Variants in DNAH12 observed in about 807,000 individuals in gnomAD.
DNAH12 encodes the protein dynein axonemal heavy chain 12.
Under a neutral mutation model 371.5 loss-of-function variants are expected in DNAH12, and 285 were observed. The observed-to-expected ratio is 0.77, with a 90% CI of 0.70 to 0.85. The LOEUF is 0.85. Among genes scored for constraint, DNAH12 ranks in the 40% least tolerant of loss-of-function variants. The pLI is 0.00. For synonymous variants in DNAH12, 1,200 were observed against 1,213.0 expected (o/e 0.99, Z 0.22); for missense variants, 3,611 against 3,689.4 (o/e 0.98, Z 0.55).
chr3:57,361,444 C>CACACTATATATATATA (rs1409626573), intron 58 of DNAH12, among the ~76,000 whole-genome samples: 5 of 116,698 alleles, frequency 4.3e-5, no homozygotes, highest in African/African-American at 2.1e-4. Flanking sequence ...CACACACACA[C>CACACTATATATATATA]TATATATATA....
chr3:57,384,566 C>T (rs1261089756), intron 49 of DNAH12, among the ~76,000 whole-genome samples: 1 of 152,038 alleles, frequency 6.6e-6, no homozygotes, highest in Non-Finnish European at 1.5e-5. Flanking sequence ...ATCATTTGAG[C>T]CCAGGAGATG....
chr3:57,323,723 CA>C (rs34028743), intron 62 of DNAH12, 104 bp from the exon 63 acceptor site: 18 of 1,192,228 alleles, frequency 1.5e-5, no homozygotes, highest in East Asian at 5.6e-5. Context: ...GCCTAATGGT[CA>C]AAAAAAGCAT....
In DNAH12 at chr3:57,334,875, C is replaced by T. The variant is rs1384480959; in HGVS notation, c.9740G>A (p.Ser3247Asn). Residue 3247 changes from serine to asparagine, a missense_variant, in exon 61 of 74, where the codon AGT (serine) becomes AAT (asparagine). Coordinates refer to ENST00000495027, the MANE Select transcript of DNAH12 (RefSeq NM_001366028.2). The part of the protein sequence containing the change: ...FLLTGGVSLK[S>N]AEKNPDPTWL... ...AGTTGGATCAGGATTTTTCTCAGCACTTTTAAGACTTACTCCTCCAGTTAA... is the reference window on the plus strand; with the variant it reads ...AGTTGGATCAGGATTTTTCTCAGCATTTTTAAGACTTACTCCTCCAGTTAA... 1.9e-6 allele frequency: 3 copies of T among 1,551,764 alleles called. No homozygotes were observed. The highest frequency in any genetic ancestry group is 2.6e-6 in the Non-Finnish European group (3 of 1,146,968).
chr3:57,354,655 C>T (rs1234219199), intron 59 of DNAH12, among the ~76,000 whole-genome samples: 3 of 151,738 alleles, frequency 2.0e-5, no homozygotes, highest in Non-Finnish European at 4.4e-5. Flanking sequence ...TTCACAAATA[C>T]ACGTACATGA....
At chr3:57,399,866 C>A (rs994866039) in intron 43 of DNAH12, among the ~76,000 whole-genome samples, 1 of 152,106 alleles carries the variant, frequency 6.6e-6, no homozygotes, top group Non-Finnish European at 1.5e-5. Context: ...TTTTATCTGG[C>A]GTACTTTATT....
At chr3:57,339,024 C>A (rs1421872337) in intron 60 of DNAH12, among the ~76,000 whole-genome samples, 2 of 152,196 alleles carry the variant, frequency 1.3e-5, no homozygotes, top group South Asian at 4.1e-4. Context: ...CCATTTTGTT[C>A]TGTACTAAGA....
At chr3:57,306,561 C>A (rs1489305138) in intron 69 of DNAH12, among the ~76,000 whole-genome samples, 1 of 152,034 alleles carries the variant, frequency 6.6e-6, no homozygotes, top group East Asian at 1.9e-4. Flanking sequence ...CTTGTATCTC[C>A]CCACCTTAAC....
chr3:57,447,962 A>C (rs1011470834), intron 25 of DNAH12, among the ~76,000 whole-genome samples: 20 of 152,330 alleles, frequency 1.3e-4, no homozygotes, highest in Middle Eastern at 3.4e-3. Flanking sequence ...GGCATGAGCT[A>C]CCACACCTGG....
chr3:57,353,122 T>C (rs1001192381), intron 59 of DNAH12, among the ~76,000 whole-genome samples: 1 of 131,618 alleles, frequency 7.6e-6, no homozygotes, highest in East Asian at 2.1e-4. Flanking sequence ...TCAGAAAACA[T>C]ATGGATAAAT....
Position 57,429,721 on chromosome 3 carries a change from G to T in DNAH12, c.5034C>A (p.Ile1678=), listed in dbSNP as rs1279252807. The T allele has an allele frequency of 2.0e-6, 3 of 1,536,018 alleles. No homozygotes were observed. Among genetic ancestry groups the T allele is most frequent in the Non-Finnish European group, 2.6e-6 (3 of 1,141,488 alleles). ...IIQMSPQMSL[I]FETMDLSQAS... is the part of the protein sequence containing the mutation. ...CCTGGGAAAGGTCCATTGTTTCAAAGATGAGGCTCATTTGGGGGGACATCT... is the reference window on the plus strand; with the variant it reads ...CCTGGGAAAGGTCCATTGTTTCAAATATGAGGCTCATTTGGGGGGACATCT... The change falls in exon 33 of 74, where the codon ATC becomes ATA. Residue 1678 remains isoleucine (I), a synonymous_variant. Transcript: ENST00000495027.
chr3:57,487,434 A>C (rs149603627), intron 12 of DNAH12, among the ~76,000 whole-genome samples: 3,631 of 152,186 alleles, frequency 0.024, 65 homozygotes, highest in Non-Finnish European at 0.034. Context: ...AAAAAAAGAA[A>C]GAGCAAGCAT....
intron 53 of DNAH12, 61 bp from the exon 54 acceptor site, chr3:57,376,026 T>C (rs1206897445): frequency 2.0e-5 from 3 of 152,076 alleles, no homozygotes; most frequent in Admixed American, 2.0e-4. Flanking sequence ...GACAGTAATA[T>C]AAAGGGCAAG....
At chr3:57,320,709 A>G (rs570135370) in intron 65 of DNAH12, among the ~76,000 whole-genome samples, 137 of 152,310 alleles carry the variant, frequency 9.0e-4, no homozygotes, top group African/African-American at 2.3e-3. Flanking sequence ...TGTTAGAACT[A>G]TAAATTCTTA....
intron 30 of DNAH12, among the ~76,000 whole-genome samples, chr3:57,436,189 C>T (rs1192299006): frequency 1.3e-5 from 2 of 151,862 alleles, no homozygotes; most frequent in Non-Finnish European, 2.9e-5. Flanking sequence ...AATATATATA[C>T]ACACACACAT....
chr3:57,496,328 T>C (rs2067320835), intron 11 of DNAH12, among the ~76,000 whole-genome samples: 1 of 152,094 alleles, frequency 6.6e-6, no homozygotes, highest in Admixed American at 6.6e-5. Context: ...ATTTTGGGGG[T>C]AATTCAAGTT....
chr3:57,523,717 A>G, intron 3 of DNAH12, 86 bp downstream of exon 3: 3 of 1,319,286 alleles, frequency 2.3e-6, no homozygotes, highest in Non-Finnish European at 3.0e-6. Flanking sequence ...TATTCCTTTT[A>G]AAAACATCAG....
At chr3:57,494,741 G>C (rs913308832) in intron 11 of DNAH12, among the ~76,000 whole-genome samples, 2 of 152,170 alleles carry the variant, frequency 1.3e-5, no homozygotes, top group Non-Finnish European at 2.9e-5. Context: ...AAGTGTGGTA[G>C]CTCTCATCTG....
intron 11 of DNAH12, among the ~76,000 whole-genome samples, chr3:57,496,842 T>C (rs2067340381): frequency 6.6e-6 from 1 of 151,834 alleles, no homozygotes; most frequent in African/African-American, 2.4e-5. Flanking sequence ...GGTGGCACGC[T>C]CCTGTAATCC....
intron 25 of DNAH12, among the ~76,000 whole-genome samples, 198 bp downstream of exon 25, chr3:57,452,645 C>T (rs947257062): frequency 1.3e-5 from 2 of 152,156 alleles, no homozygotes; most frequent in African/African-American, 4.8e-5. Flanking sequence ...AACTTTCATA[C>T]GATAAAGTTC....
Sources: gnomAD v4.1 joint callset for allele counts (sites outside exome capture counted in the v4.1 genomes callset) on GRCh38, gnomAD v4.1.1 for gene constraint, MANE v1.5 for transcripts, NCBI Gene and HGNC (gene_info 2026-07-23, HGNC 2026-07-21) for gene names.